TTLL9: variants seen among roughly 807,000 people sequenced by gnomAD.
The protein encoded by TTLL9 is tubulin tyrosine ligase like 9, also known as probable tubulin polyglutamylase TTLL9.
A neutral mutation model predicts 65.6 loss-of-function variants in TTLL9; 47 were observed. That is an observed-to-expected ratio of 0.72 (90% confidence interval 0.57 to 0.91). TTLL9 has a LOEUF of 0.91. Ranked by LOEUF, TTLL9 falls within the 40% of genes least tolerant of loss-of-function variation. TTLL9 has a pLI of 0.00. For missense variants in TTLL9, 537 were observed against 568.8 expected, an observed-to-expected ratio of 0.94 and a Z score of 0.57; for synonymous variants, 179 against 204.8, an observed-to-expected ratio of 0.87 and a Z score of 1.07.
At chr20:31,886,415 T>C (rs180932024) in intron 2 of TTLL9, among the ~76,000 whole-genome samples, 55 of 152,338 alleles carry the variant, frequency 3.6e-4, no homozygotes, top group African/African-American at 1.1e-3. Flanking sequence ...CACCACCCAC[T>C]GAGGATTTGA....
chr20:31,927,128 AT>A (rs901164641), intron 10 of TTLL9, among the ~76,000 whole-genome samples: 10 of 148,912 alleles, frequency 6.7e-5, no homozygotes, highest in African/African-American at 1.0e-4. Context: ...AAAAAAAAAA[AT>A]CTCTCTCTCT....
intron 4 of TTLL9, among the ~76,000 whole-genome samples, chr20:31,899,822 T>C (rs946046359): frequency 1.3e-5 from 2 of 151,858 alleles, no homozygotes; most frequent in Non-Finnish European, 2.9e-5. Context: ...TGGAGTGCAG[T>C]GGCACAATCT....
intron 2 of TTLL9, chr20:31,879,741 G>A (rs1156795711): frequency 2.1e-6 from 3 of 1,415,776 alleles, no homozygotes; most frequent in Non-Finnish European, 2.9e-6. Flanking sequence ...ACCAGAGCCT[G>A]CGCACTCCGC....
At chr20:31,926,653 A>G (rs2063911139) in intron 10 of TTLL9, among the ~76,000 whole-genome samples, 1 of 152,216 alleles carries the variant, frequency 6.6e-6, no homozygotes. Context: ...ATTGAAATGA[A>G]TGGCTCCTTT....
At position 31,944,650 on chromosome 20, in the gene TTLL9, TAA is replaced by T. The variant is rs906650012; in HGVS notation, c.*1632_*1633del. On this transcript the variant is annotated 3_prime_UTR_variant, in exon 15 of 15. Coordinates refer to ENST00000535842, the MANE Select transcript of TTLL9 (RefSeq NM_001008409.5). ...ACACCTGTGACCCACACTCATGTTT[TAA>T]AAGTTTCTGCATTAGTCAAAAATAT... is the stretch of plus-strand genomic sequence containing the variant. The T allele has an allele frequency of 6.6e-6, 1 of 152,234 alleles. No homozygotes were observed. Among genetic ancestry groups the T allele is most frequent in the African/African-American group, 2.4e-5 (1 of 41,458 alleles). The allele number at this position is 152,234 out of a possible 1,614,324, so 9.4% of individuals were successfully genotyped here. A position where few individuals can be genotyped will look rare whatever the true frequency, so the allele number is the denominator to read the frequency against.
chr20:31,881,290 C>T (rs1376460690), intron 2 of TTLL9, among the ~76,000 whole-genome samples: 1 of 152,230 alleles, frequency 6.6e-6, no homozygotes, highest in Non-Finnish European at 1.5e-5. Context: ...CATCTGTCTT[C>T]CCTGCTGCTC....
In TTLL9 at chr20:31,886,650, T is replaced by C. The variant is rs548245945; in HGVS notation, c.70-546T>C. ...GCCTGGCCAACATGGCGAAACCCCA[T>C]CTCTATTAAAAATACAAAATTGGCT... On this transcript the variant is annotated intron_variant, in intron 2 of 14. Transcript: ENST00000535842. Among the ~76,000 whole-genome samples the C allele has an allele frequency of 1.1e-4, 17 of 152,192 alleles. No individual in the cohort carries two copies. The South Asian group carries it at 3.5e-3, about 32-fold the overall frequency.
intron 9 of TTLL9, chr20:31,925,791 T>A: frequency 7.8e-7 from 1 of 1,283,276 alleles, no homozygotes; most frequent in Admixed American, 2.0e-5. Context: ...GAGGAAACGG[T>A]AGGTGCAAGA....
intron 3 of TTLL9, among the ~76,000 whole-genome samples, chr20:31,889,982 C>CTTTCTTTA (rs1280231819): frequency 3.2e-5 from 3 of 94,830 alleles, no homozygotes; most frequent in African/African-American, 1.2e-4. Context: ...CTCTTTCTTT[C>CTTTCTTTA]TTTCTTTCTT....
In TTLL9 at chr20:31,943,818, A is replaced by G; in HGVS notation, c.*797A>G. 1 of 456,746 alleles carries G rather than the reference A, an allele frequency of 2.2e-6. No individual in the cohort carries two copies. The highest frequency in any genetic ancestry group is 4.4e-6 in the Non-Finnish European group (1 of 226,976). 28.3% of individuals were successfully genotyped at this position (456,746 alleles called of 1,614,324 possible). On this transcript the variant is annotated 3_prime_UTR_variant, in exon 15 of 15. Coordinates refer to ENST00000535842, the MANE Select transcript of TTLL9 (RefSeq NM_001008409.5). ...CCAGAAACCGGAAAACCCTGGGCTCATGGGCAGGACAGCTTCGGGAGTTGA... is the reference window on the plus strand; with the variant it reads ...CCAGAAACCGGAAAACCCTGGGCTCGTGGGCAGGACAGCTTCGGGAGTTGA...
At chr20:31,875,014 C>G (rs7274502) in intron 2 of TTLL9, among the ~76,000 whole-genome samples, 36,836 of 152,108 alleles carry the variant, frequency 0.24, 6,220 homozygotes, top group African/African-American at 0.48. Context: ...CTCAAGAACT[C>G]TAAGATACTA....
At chr20:31,901,780 C>G (rs1186429513) in intron 4 of TTLL9, among the ~76,000 whole-genome samples, 1 of 152,230 alleles carries the variant, frequency 6.6e-6, no homozygotes, top group Non-Finnish European at 1.5e-5. Flanking sequence ...CACAGGGTGA[C>G]TCCACCCAGC....
At chr20:31,914,141 T>C (rs1311052946) in intron 6 of TTLL9, among the ~76,000 whole-genome samples, 2 of 152,208 alleles carry the variant, frequency 1.3e-5, no homozygotes, top group Non-Finnish European at 2.9e-5. Flanking sequence ...AGAGCCACAT[T>C]TTAACATTCC....
chr20:31,908,817 C>T (rs1196697746), intron 5 of TTLL9, 115 bp downstream of exon 5: 8 of 848,614 alleles, frequency 9.4e-6, no homozygotes, highest in Admixed American at 2.0e-5. Context: ...GATGCAACGC[C>T]GAGTGGGAAG....
At chr20:31,880,518 G>T (rs1476143400) in intron 2 of TTLL9, among the ~76,000 whole-genome samples, 1 of 151,238 alleles carries the variant, frequency 6.6e-6, no homozygotes, top group Non-Finnish European at 1.5e-5. Context: ...TTTTGAGACG[G>T]AGTCTCACTG....
chr20:31,937,628 G>T, intron 13 of TTLL9, 119 bp downstream of exon 13: 1 of 713,556 alleles, frequency 1.4e-6, no homozygotes, highest in Non-Finnish European at 2.3e-6. Flanking sequence ...GCTCTGGCCT[G>T]CCCCACCACT....
chr20:31,874,680 G>T (rs937758988), intron 2 of TTLL9, among the ~76,000 whole-genome samples: 1 of 152,154 alleles, frequency 6.6e-6, no homozygotes, highest in African/African-American at 2.4e-5. Flanking sequence ...AAAATGCTGG[G>T]ATTACAGGCG....
chr20:31,943,265 A>G lies in TTLL9; in HGVS notation c.*244A>G. 1 of 569,098 alleles carries G rather than the reference A, an allele frequency of 1.8e-6. No individual in the cohort carries two copies. Among genetic ancestry groups the G allele is most frequent in the Non-Finnish European group, 3.2e-6 (1 of 316,838 alleles). The allele number at this position is 569,098 out of a possible 1,614,324, so 35.3% of individuals were successfully genotyped here. ...TGGGACTGGGGGAGGTTTAACCTTG[A>G]CAAACTGACTTGGCAGTTAGGCCCA... is the stretch of plus-strand genomic sequence containing the variant. On this transcript the variant is annotated 3_prime_UTR_variant, in exon 15 of 15. Transcript: ENST00000535842.
chr20:31,918,281 TC>T (rs1456677887), intron 6 of TTLL9, among the ~76,000 whole-genome samples: 1 of 152,170 alleles, frequency 6.6e-6, no homozygotes, highest in Non-Finnish European at 1.5e-5. Context: ...GCAGTGTTTG[TC>T]CGAGATGACG....
Sources: gnomAD v4.1 joint callset for allele counts (sites outside exome capture counted in the v4.1 genomes callset) on GRCh38, gnomAD v4.1.1 for gene constraint, MANE v1.5 for transcripts, NCBI Gene and HGNC (gene_info 2026-07-23, HGNC 2026-07-21) for gene names.